Variants in XKR4 observed in about 807,000 individuals in gnomAD.
XKR4 encodes XK-related protein 4.
XKR4 carries 12 observed loss-of-function variants against 53.9 expected under a neutral mutation model. The observed-to-expected ratio is 0.22, with a 90% CI of 0.14 to 0.36. XKR4 has a LOEUF of 0.36. XKR4 is among the 10% of genes least tolerant of loss of function. The probability of loss-of-function intolerance (pLI) is 1.00; values close to 1 mark genes in which losing one functional copy is unlikely to be tolerated. For missense variants in XKR4, 799 were observed against 859.5 expected, an observed-to-expected ratio of 0.93 and a Z score of 0.88; for synonymous variants, 354 against 362.4, an observed-to-expected ratio of 0.98 and a Z score of 0.26.
chr8:55,143,424 A>G (rs1021933792), intron 1 of XKR4, among the ~76,000 whole-genome samples: 3 of 152,248 alleles, frequency 2.0e-5, no homozygotes, highest in Non-Finnish European at 4.4e-5. Flanking sequence ...AAGAGCTAAC[A>G]TAATTCTTTA....
chr8:55,341,673 A>T (rs1167993995), intron 1 of XKR4, among the ~76,000 whole-genome samples: 1 of 152,220 alleles, frequency 6.6e-6, no homozygotes, highest in East Asian at 1.9e-4. Flanking sequence ...CTTCAAGTTA[A>T]TTTCAAACCG....
At chr8:55,230,255 A>G (rs372538690) in intron 1 of XKR4, among the ~76,000 whole-genome samples, 21 of 152,356 alleles carry the variant, frequency 1.4e-4, no homozygotes, top group African/African-American at 5.0e-4. Context: ...TTAGAAAAAA[A>G]ATCAAAACTA....
At chr8:55,156,738 TAAG>T (rs1402532974) in intron 1 of XKR4, among the ~76,000 whole-genome samples, 2 of 152,192 alleles carry the variant, frequency 1.3e-5, no homozygotes, top group Non-Finnish European at 2.9e-5. Context: ...AAAAAGTTCT[TAAG>T]AAATGAAAGA....
rs139643206 is a variant in XKR4 at position 55,187,214 on chromosome 8, G to A, written c.806+83920G>A. ...CACTTGCTGTAGTGTTTCTGCGGGG[G>A]AATCTAGACTGCCAGGCACCACACT... is the stretch of plus-strand genomic sequence containing the variant. On this transcript the variant is annotated intron_variant, in intron 1 of 2. Coordinates refer to ENST00000327381, the MANE Select transcript of XKR4 (RefSeq NM_052898.2). 3.0e-3 allele frequency among the ~76,000 whole-genome samples: 436 copies of A among 147,700 alleles called. 1 individual carries two copies. Among genetic ancestry groups the A allele is most frequent in the African/African-American group, 0.01 (402 of 39,696 alleles).
chr8:55,259,352 C>T (rs957003962), intron 1 of XKR4, among the ~76,000 whole-genome samples: 2 of 152,188 alleles, frequency 1.3e-5, no homozygotes, highest in Admixed American at 1.3e-4. Flanking sequence ...GACTTAATAT[C>T]GGGCATTAAC....
chr8:55,102,227 G>A lies in XKR4; in HGVS notation c.-262G>A, dbSNP rs927858683. ...CGGGCGGCGGGCAGGGGCGCGCGCG[G>A]GGCGCCGCGAGCAGCTTGGCTCCGC... is the stretch of plus-strand genomic sequence containing the variant. On this transcript the variant is annotated 5_prime_UTR_variant, in exon 1 of 3. Coordinates refer to ENST00000327381, the MANE Select transcript of XKR4 (RefSeq NM_052898.2). This position sits in a 1 kb window ranked among gnomAD's most constrained non-coding sequence, Gnocchi z 5.1. Among the ~76,000 whole-genome samples the A allele has an allele frequency of 6.9e-6, 1 of 145,766 alleles. No individual in the cohort carries two copies. Among genetic ancestry groups the A allele is most frequent in the African/African-American group, 2.5e-5 (1 of 40,668 alleles).
intron 1 of XKR4, among the ~76,000 whole-genome samples, chr8:55,113,898 A>C (rs1012468982): frequency 4.6e-5 from 7 of 152,270 alleles, no homozygotes; most frequent in African/African-American, 1.7e-4. Context: ...TGCAAAAGTC[A>C]TGATTTTACT....
At chr8:55,408,774 TGAGGCGGGCAGATCACGGGGTCAG>T (rs1233781679) in intron 2 of XKR4, among the ~76,000 whole-genome samples, 3 of 152,020 alleles carry the variant, frequency 2.0e-5, no homozygotes, top group African/African-American at 7.3e-5. Flanking sequence ...TTTGGGAGGT[TGAGGCGGGCAGATCACGGGGTCAG>T]GAGTTCGAGA....
chr8:55,189,183 AT>A (rs201492243), intron 1 of XKR4, among the ~76,000 whole-genome samples: 3 of 151,968 alleles, frequency 2.0e-5, no homozygotes, highest in East Asian at 1.9e-4. Context: ...ATTTATTTCC[AT>A]TTTTTTTCCT....
chr8:55,420,624 G>A (rs1041305406), intron 2 of XKR4, among the ~76,000 whole-genome samples: 3 of 136,184 alleles, frequency 2.2e-5, no homozygotes, highest in Admixed American at 7.7e-5. Flanking sequence ...ATCGCACTCC[G>A]GGGACTGTTG....
chr8:55,172,192 C>A (rs1325875808), intron 1 of XKR4, among the ~76,000 whole-genome samples: 3 of 149,678 alleles, frequency 2.0e-5, no homozygotes, highest in African/African-American at 7.5e-5. Context: ...CACTGGTCGA[C>A]AGAGCAAGAC....
At chr8:55,218,897 C>A (rs1179930921) in intron 1 of XKR4, among the ~76,000 whole-genome samples, 1 of 152,174 alleles carries the variant, frequency 6.6e-6, no homozygotes, top group Non-Finnish European at 1.5e-5. Flanking sequence ...GTTCTCACAT[C>A]TGAGACGCAC....
intron 2 of XKR4, among the ~76,000 whole-genome samples, chr8:55,443,864 G>GAAAA (rs1270711891): frequency 7.5e-6 from 1 of 133,944 alleles, no homozygotes; most frequent in African/African-American, 2.8e-5. Flanking sequence ...AGAAAGAAAA[G>GAAAA]AAAAAAAAAG....
chr8:55,404,072 A>G (rs1345868407), intron 2 of XKR4, among the ~76,000 whole-genome samples: 1 of 152,220 alleles, frequency 6.6e-6, no homozygotes, highest in Non-Finnish European at 1.5e-5. Context: ...GAAAGAGTCT[A>G]CATGTAGATG....
intron 1 of XKR4, among the ~76,000 whole-genome samples, chr8:55,246,058 T>A (rs890772629): frequency 6.6e-6 from 1 of 152,178 alleles, no homozygotes; most frequent in Non-Finnish European, 1.5e-5. Flanking sequence ...GCCAAGATTG[T>A]GTCACTGAAC....
intron 1 of XKR4, among the ~76,000 whole-genome samples, chr8:55,189,348 T>C (rs898356916): frequency 5.3e-5 from 8 of 152,348 alleles, no homozygotes; most frequent in Admixed American, 2.6e-4. Context: ...ACAGCTAATG[T>C]ATGAGTACGA....
intron 1 of XKR4, among the ~76,000 whole-genome samples, chr8:55,284,737 A>G (rs1266986713): frequency 1.3e-5 from 2 of 152,158 alleles, no homozygotes; most frequent in African/African-American, 4.8e-5. Flanking sequence ...CATTCCATTC[A>G]TTAGAAGCAA....
intron 1 of XKR4, among the ~76,000 whole-genome samples, chr8:55,312,053 T>C (rs957395188): frequency 1.3e-5 from 2 of 152,092 alleles, no homozygotes; most frequent in Admixed American, 6.5e-5. Flanking sequence ...CAAATGAGGA[T>C]AATTATTCTA....
chr8:55,239,576 G>A (rs1218624369), intron 1 of XKR4, among the ~76,000 whole-genome samples: 1 of 152,100 alleles, frequency 6.6e-6, no homozygotes, highest in African/African-American at 2.4e-5. Flanking sequence ...CTGTTGAATT[G>A]ATTGTGTTCC....
Sources: allele counts gnomAD v4.1 joint callset (sites outside exome capture counted in the v4.1 genomes callset), GRCh38; gene constraint gnomAD v4.1.1; non-coding constraint Gnocchi (gnomAD v3.1); transcripts MANE v1.5; gene names NCBI Gene and HGNC (gene_info 2026-07-23, HGNC 2026-07-21).